CD247: variants seen among roughly 807,000 people sequenced by gnomAD.
CD247 encodes the protein CD247 molecule, also known as T-cell surface glycoprotein CD3 zeta chain.
A neutral mutation model predicts 30.0 loss-of-function variants in CD247; 13 were observed. The observed-to-expected ratio is 0.43, with a 90% CI of 0.28 to 0.69. CD247 has a LOEUF of 0.69. CD247 is among the 30% of genes least tolerant of loss of function. The probability of loss-of-function intolerance (pLI) is 0.16; values close to 1 mark genes in which losing one functional copy is unlikely to be tolerated. For missense variants in CD247, 193 were observed against 212.6 expected (o/e 0.91, Z 0.57); for synonymous variants, 72 against 80.0 (o/e 0.90, Z 0.53).
intron 1 of CD247, among the ~76,000 whole-genome samples, chr1:167,440,980 G>A (rs1315306028): frequency 2.0e-5 from 3 of 152,168 alleles, no homozygotes; most frequent in African/African-American, 4.8e-5. Flanking sequence ...AGATGTGGCC[G>A]CTGTGGGGCC....
chr1:167,495,379 G>A (rs1298675691), intron 1 of CD247, among the ~76,000 whole-genome samples: 4 of 152,314 alleles, frequency 2.6e-5, no homozygotes, highest in African/African-American at 9.6e-5. Context: ...TGACAGAGGT[G>A]GGAGTAGTTG....
chr1:167,514,283 C>T (rs191331424), intron 1 of CD247, among the ~76,000 whole-genome samples: 7 of 152,270 alleles, frequency 4.6e-5, no homozygotes, highest in Non-Finnish European at 8.8e-5. Flanking sequence ...ACTACAGGCA[C>T]GTGCCACCAT....
chr1:167,500,427 A>G (rs966854440), intron 1 of CD247, among the ~76,000 whole-genome samples: 1 of 152,218 alleles, frequency 6.6e-6, no homozygotes, highest in Non-Finnish European at 1.5e-5. Context: ...TATTTATAAA[A>G]TAGTTTAAAA....
At chr1:167,450,149 T>C (rs1451735549) in intron 1 of CD247, among the ~76,000 whole-genome samples, 5 of 152,206 alleles carry the variant, frequency 3.3e-5, no homozygotes, top group African/African-American at 7.2e-5. Context: ...AATTCTAAGA[T>C]GAACAGCTTC....
chr1:167,450,100 T>C (rs917602936), intron 1 of CD247, among the ~76,000 whole-genome samples: 1 of 152,202 alleles, frequency 6.6e-6, no homozygotes, highest in African/African-American at 2.4e-5. Context: ...CCATTCCCCA[T>C]TGGTGCTCAT....
chr1:167,509,707 A>C (rs1212527974), intron 1 of CD247, among the ~76,000 whole-genome samples: 1 of 152,174 alleles, frequency 6.6e-6, no homozygotes, highest in Admixed American at 6.5e-5. Flanking sequence ...TTCTGAGAAC[A>C]ACAATTTTCC....
rs1654571167 is a variant in CD247 at position 167,494,025 on chromosome 1, G to A, written c.58+24383C>T. 6.6e-6 allele frequency among the ~76,000 whole-genome samples: 1 copy of A among 151,932 alleles called. No individual in the cohort carries two copies. Among genetic ancestry groups the A allele is most frequent in the Non-Finnish European group, 1.5e-5 (1 of 68,022 alleles). ...CGGGACCCAGGACTTTCTTCTCAGG[G>A]CTCTGCTGAGTTGGGTGGGGGAGGC... is the stretch of plus-strand genomic sequence containing the variant. On this transcript the variant is annotated intron_variant, in intron 1 of 7. Transcript: ENST00000362089. The surrounding 1 kb of genome is among the most constrained non-coding windows in gnomAD (Gnocchi z 7.3).
rs767112686 is a variant in CD247 at position 167,439,388 on chromosome 1, C to T, written c.175G>A (p.Ala59Thr). 1.9e-6 allele frequency: 3 copies of T among 1,614,124 alleles called. No homozygotes were observed. Among genetic ancestry groups the T allele is most frequent in the Admixed American group, 3.3e-5 (2 of 60,030 alleles). Residue 59 changes from alanine to threonine, a missense_variant, in exon 3 of 8, where the codon GCA (alanine) becomes ACA (threonine). Transcript: ENST00000362089. ...LFLRVKFSRS[A>T]DAPAYQQGQN... ...CCCTGCTGGTACGCGGGGGCGTCTG[C>T]GCTCCTGCTGAACTGCAACACAGAA...
intron 1 of CD247, among the ~76,000 whole-genome samples, chr1:167,451,639 C>T (rs752245670): frequency 3.9e-5 from 6 of 152,190 alleles, no homozygotes; most frequent in Non-Finnish European, 5.9e-5. Flanking sequence ...ATCCCTAAGC[C>T]TCCATTTCTG....
intron 1 of CD247, among the ~76,000 whole-genome samples, chr1:167,478,802 G>C (rs1212915150): frequency 6.6e-6 from 1 of 152,166 alleles, no homozygotes; most frequent in Non-Finnish European, 1.5e-5. Flanking sequence ...TCTATGATTT[G>C]ATAAATAAAG....
intron 1 of CD247, among the ~76,000 whole-genome samples, chr1:167,505,439 A>ATG (rs1655075675): frequency 6.6e-6 from 1 of 152,246 alleles, no homozygotes; most frequent in Non-Finnish European, 1.5e-5. Flanking sequence ...GTTTGCATGT[A>ATG]TGTGTGTGTC....
At position 167,430,793 on chromosome 1, in the gene CD247, T is replaced by C. The variant is rs1571502042; in HGVS notation, c.*888A>G. 3 of 398,576 alleles carry C rather than the reference T, an allele frequency of 7.5e-6. No homozygotes were observed. In the Admixed American group the frequency reaches 1.3e-4, roughly 18 times the overall value. 24.7% of individuals were successfully genotyped at this position (398,576 alleles called of 1,614,324 possible). On this transcript the variant is annotated 3_prime_UTR_variant, in exon 8 of 8. Transcript: ENST00000362089. ...AGCAGTATCCTAGTACATTGACGGG[T>C]TTTTCCTGTCCTGCCACTGTCCGCT...
At chr1:167,484,645 C>G (rs1654125686) in intron 1 of CD247, among the ~76,000 whole-genome samples, 1 of 152,220 alleles carries the variant, frequency 6.6e-6, no homozygotes, top group Non-Finnish European at 1.5e-5. Flanking sequence ...GGCGTCATGG[C>G]ACGTGCCTGT....
At chr1:167,435,851 G>T (rs1245357894) in intron 4 of CD247, among the ~76,000 whole-genome samples, 14 of 152,264 alleles carry the variant, frequency 9.2e-5, no homozygotes, top group African/African-American at 3.1e-4. Flanking sequence ...GTCCTGACAA[G>T]AGGAGAGGAG....
At chr1:167,433,766 C>A (rs574637808) in intron 6 of CD247, among the ~76,000 whole-genome samples, 6 of 152,346 alleles carry the variant, frequency 3.9e-5, no homozygotes, top group African/African-American at 1.4e-4. Flanking sequence ...GTTATTAAAA[C>A]GGACCTGCTT....
intron 1 of CD247, among the ~76,000 whole-genome samples, chr1:167,514,365 C>T (rs1442044252): frequency 3.9e-5 from 6 of 152,126 alleles, no homozygotes; most frequent in African/African-American, 1.4e-4. Context: ...TCTCAAATTC[C>T]TGACCTCAGG....
chr1:167,487,443 T>C (rs758080626), intron 1 of CD247, among the ~76,000 whole-genome samples: 1 of 152,236 alleles, frequency 6.6e-6, no homozygotes, highest in Non-Finnish European at 1.5e-5. Flanking sequence ...GGCCAGCTGA[T>C]GCCCCTTCCT....
At chr1:167,486,902 C>T (rs1013009637) in intron 1 of CD247, among the ~76,000 whole-genome samples, 5 of 151,922 alleles carry the variant, frequency 3.3e-5, no homozygotes, top group Admixed American at 6.6e-5. Flanking sequence ...GGTGCAACCC[C>T]GTCTCTACTA....
chr1:167,476,292 C>A (rs1344370784), intron 1 of CD247, among the ~76,000 whole-genome samples: 1 of 152,054 alleles, frequency 6.6e-6, no homozygotes, highest in African/African-American at 2.4e-5. Flanking sequence ...TACACCAGGC[C>A]CAGGGATGGC....
Sources: allele counts gnomAD v4.1 joint callset (sites outside exome capture counted in the v4.1 genomes callset), GRCh38; gene constraint gnomAD v4.1.1; non-coding constraint Gnocchi (gnomAD v3.1); transcripts MANE v1.5; gene names NCBI Gene and HGNC (gene_info 2026-07-23, HGNC 2026-07-21).